Variants in HOXD10 observed in about 807,000 individuals in gnomAD.
The protein encoded by HOXD10 is homeobox protein Hox-D10.
HOXD10 carries 15 observed loss-of-function variants against 27.0 expected under a neutral mutation model. That is an observed-to-expected ratio of 0.56 (90% confidence interval 0.37 to 0.85). HOXD10 has a LOEUF of 0.85. HOXD10 is among the 40% of genes least tolerant of loss of function. The pLI is 0.00. For synonymous variants in HOXD10, 178 were observed against 160.9 expected, an observed-to-expected ratio of 1.11 and a Z score of -0.80; for missense variants, 440 against 430.4, an observed-to-expected ratio of 1.02 and a Z score of -0.20.
chr2:176,117,794 C>G (rs761504528), intron 1 of HOXD10, among the ~76,000 whole-genome samples: 1 of 151,856 alleles, frequency 6.6e-6, no homozygotes, highest in Admixed American at 6.6e-5. Context: ...TGATGGCGCC[C>G]GGGCAGAGGA....
chr2:176,119,435 G>GTGTATATATATATA lies in HOXD10; in HGVS notation c.*205_*206insGTATATATATATAT, dbSNP rs1553518836. On this transcript the variant is annotated 3_prime_UTR_variant, in exon 2 of 2. Transcript: ENST00000249501. ...TGCAAGTGATCTGTAATCCCTATGAGTATATATATATATATATATATATAT... is the reference window on the plus strand; with the variant it reads ...TGCAAGTGATCTGTAATCCCTATGAGTGTATATATATATATATATATATATATATATATATATAT... 13 of 177,788 alleles carry GTGTATATATATATA rather than the reference G, an allele frequency of 7.3e-5. No homozygotes were observed. Among genetic ancestry groups the GTGTATATATATATA allele is most frequent in the African/African-American group, 3.7e-4 (8 of 21,524 alleles). 11.0% of individuals were successfully genotyped at this position (177,788 alleles called of 1,614,324 possible).
At chr2:176,118,823 G>C in intron 1 of HOXD10, 131 bp from the exon 2 acceptor site, 1 of 778,484 alleles carries the variant, frequency 1.3e-6, no homozygotes, top group East Asian at 2.7e-5. Context: ...ACGGCCAAGG[G>C]TACATTTGAA....
At position 176,119,252 on chromosome 2, in the gene HOXD10, C is replaced by T. The variant is rs570165195; in HGVS notation, c.*21C>T. The T allele has an allele frequency of 4.3e-6, 7 of 1,610,930 alleles. No homozygotes were observed. Among genetic ancestry groups the T allele is most frequent in the Admixed American group, 1.7e-5 (1 of 59,842 alleles). On this transcript the variant is annotated 3_prime_UTR_variant, in exon 2 of 2. Coordinates refer to ENST00000249501, the MANE Select transcript of HOXD10 (RefSeq NM_002148.4). The stretch of plus-strand genomic sequence containing the variant: ...CTTAGGTCTGAGGCCGGTCTGAGGC[C>T]GGTCAGAGGCCAGGATTGGAGAGGG...
Position 176,117,394 on chromosome 2 carries a change from G to A in HOXD10, c.561G>A (p.Lys187=), listed in dbSNP as rs143870330. The change falls in exon 1 of 2, where the codon AAG becomes AAA. Residue 187 remains lysine, a synonymous_variant. Transcript: ENST00000249501. ...AGCTCAACCCTCGTGGCGCGGCCAA[G>A]CCGCAGCTCTCCGCTGCCCAGCTGC... The part of the protein sequence containing the change: ...MLQLNPRGAA[K]PQLSAAQLQM... 3.7e-6 allele frequency: 6 copies of A among 1,613,320 alleles called. No homozygotes were observed. The highest frequency in any genetic ancestry group is 5.1e-6 in the Non-Finnish European group (6 of 1,180,036).
chr2:176,119,774 C>G lies in HOXD10; in HGVS notation c.*543C>G, dbSNP rs1219052728. Reference sequence around the variant, plus strand: ...AAGCACATTACAATGTATCTTTTCACAAATGAATTTAGCAGTTGTCCTTGG... The same window carrying G: ...AAGCACATTACAATGTATCTTTTCAGAAATGAATTTAGCAGTTGTCCTTGG... On this transcript the variant is annotated 3_prime_UTR_variant, in exon 2 of 2. Coordinates refer to ENST00000249501, the MANE Select transcript of HOXD10 (RefSeq NM_002148.4). 1 of 152,502 alleles carries G rather than the reference C, an allele frequency of 6.6e-6. No homozygotes were observed. The highest frequency in any genetic ancestry group is 1.5e-5 in the Non-Finnish European group (1 of 68,026). The allele number at this position is 152,502 out of a possible 1,614,324, so 9.4% of individuals were successfully genotyped here. A position where few individuals can be genotyped will look rare whatever the true frequency, so the allele number is the denominator to read the frequency against.
chr2:176,118,880 A>AC lies in HOXD10; in HGVS notation c.746-73dup, dbSNP rs1435356093. The AC allele has an allele frequency of 3.9e-5, 29 of 747,076 alleles. No homozygotes were observed. In the East Asian group the frequency reaches 5.1e-4, roughly 13 times the overall value. 46.3% of individuals were successfully genotyped at this position (747,076 alleles called of 1,614,324 possible). ...AACGAAAACCAAAACCAAAACCAAA[A>AC]CAAAAACAAAAACAAAAACAAACAA... On this transcript the variant is annotated intron_variant, in intron 1 of 1. Coordinates refer to ENST00000249501, the MANE Select transcript of HOXD10 (RefSeq NM_002148.4).
Position 176,117,135 on chromosome 2 carries a change from G to C in HOXD10, c.302G>C (p.Cys101Ser), listed in dbSNP as rs139302218. 2 of 1,614,164 alleles carry C rather than the reference G, an allele frequency of 1.2e-6. No individual in the cohort carries two copies. The highest frequency in any genetic ancestry group is 2.2e-5 in the East Asian group (1 of 44,888). ...CCTGTTACACAGCAAGTCCCCACTT[G>C]CTCCTTCACCACCAACATTAAGGAA... The part of the protein sequence containing the change: ...EQPVTQQVPT[C>S]SFTTNIKEES... Residue 101 changes from cysteine (C) to serine (S), a missense_variant, in exon 1 of 2, where the codon TGC becomes TCC. Coordinates refer to ENST00000249501, the MANE Select transcript of HOXD10 (RefSeq NM_002148.4).
chr2:176,117,652 G>T, intron 1 of HOXD10, 74 bp downstream of exon 1: 7 of 1,550,724 alleles, frequency 4.5e-6, no homozygotes, highest in East Asian at 2.3e-5. Context: ...GTGCCGGGGT[G>T]CCCAGCGCCG....
rs1689839065 is a variant in HOXD10, at chr2:176,119,888, T to A, written c.*657T>A. On this transcript the variant is annotated 3_prime_UTR_variant, in exon 2 of 2. Coordinates refer to ENST00000249501, the MANE Select transcript of HOXD10 (RefSeq NM_002148.4). ...TAGAAGTACAACAGCAACCTGTCCT[T>A]TCTGTGCATGTTCTGGTCGCATGTA... The A allele has an allele frequency of 6.6e-6, 1 of 152,630 alleles. No homozygotes were observed. The highest frequency in any genetic ancestry group is 1.5e-5 in the Non-Finnish European group (1 of 68,034). The allele number at this position is 152,630 out of a possible 1,614,324, so 9.5% of individuals were successfully genotyped here.
intron 1 of HOXD10, 26 bp from the exon 2 acceptor site, chr2:176,118,928 T>G: frequency 6.3e-7 from 1 of 1,596,952 alleles, no homozygotes; most frequent in Non-Finnish European, 8.6e-7. Context: ...TTGATTTTTT[T>G]CTTCTTCTCC....
chr2:176,117,099 G>C lies in HOXD10; in HGVS notation c.266G>C (p.Arg89Pro), dbSNP rs374700658. 4 of 1,614,140 alleles carry C rather than the reference G, an allele frequency of 2.5e-6. No homozygotes were observed. In the South Asian group the frequency reaches 4.4e-5, roughly 18 times the overall value. Reference sequence around the variant, plus strand: ...TGGACAGATCCGAACAGATCTTGTCGAATAGAGCAACCTGTTACACAGCAA... The same window carrying C: ...TGGACAGATCCGAACAGATCTTGTCCAATAGAGCAACCTGTTACACAGCAA... ...DSWTDPNRSC[R>P]IEQPVTQQVP... The change falls in exon 1 of 2, where the codon CGA (arginine) becomes CCA (proline). Residue 89 changes from arginine to proline, a missense_variant. Physicochemically the swap from Arg to Pro is moderately radical, Grantham distance 103 (BLOSUM62 -2). Coordinates refer to ENST00000249501, the MANE Select transcript of HOXD10 (RefSeq NM_002148.4).
chr2:176,118,858 G>T, intron 1 of HOXD10, 96 bp from the exon 2 acceptor site: 1 of 1,216,962 alleles, frequency 8.2e-7, no homozygotes, highest in Non-Finnish European at 1.2e-6. Flanking sequence ...AAACAAAAAC[G>T]AAAACCAAAA....
Position 176,116,924 on chromosome 2 carries a change from A to T in HOXD10, c.91A>T (p.Ser31Cys). Residue 31 changes from serine to cysteine, a missense_variant, in exon 1 of 2, where the codon AGC becomes TGC. Physicochemically the swap from Ser to Cys is moderately radical, Grantham distance 112. Transcript: ENST00000249501. ...CAGGAGTGACAGTTTTTATTCCAGC[A>T]GCGCCAGCATGTACATGCCACCACC... ...ACRSDSFYSS[S>C]ASMYMPPPSA... 6.2e-7 allele frequency: 1 copy of T among 1,614,126 alleles called. No individual in the cohort carries two copies. The highest frequency in any genetic ancestry group is 1.6e-4 in the Middle Eastern group (1 of 6,062).
In HOXD10 at chr2:176,119,361, T is replaced by C; in HGVS notation, c.*130T>C. On this transcript the variant is annotated 3_prime_UTR_variant, in exon 2 of 2. Transcript: ENST00000249501. ...CCGCTCTTTGTTTGTTGTTTTGTTG[T>C]ATTTTGTTTTCCTGCTAGAATGTGA... 1 of 1,036,174 alleles carries C rather than the reference T, an allele frequency of 9.7e-7. No individual in the cohort carries two copies. The highest frequency in any genetic ancestry group is 1.4e-5 in the South Asian group (1 of 72,276). 64.2% of individuals were successfully genotyped at this position (1,036,174 alleles called of 1,614,324 possible). A position where few individuals can be genotyped will look rare whatever the true frequency, so the allele number is the denominator to read the frequency against.
chr2:176,118,182 C>A (rs377327103), intron 1 of HOXD10, among the ~76,000 whole-genome samples: 1 of 152,222 alleles, frequency 6.6e-6, no homozygotes, highest in Non-Finnish European at 1.5e-5. Flanking sequence ...AGAGTGGAAC[C>A]CGCATTGCCC....
chr2:176,118,165 G>A (rs1484029370), intron 1 of HOXD10, among the ~76,000 whole-genome samples: 2 of 152,218 alleles, frequency 1.3e-5, no homozygotes, highest in Non-Finnish European at 2.9e-5. Context: ...GGCAAAGGCG[G>A]AGGGGGAGAG....
chr2:176,118,928 T>C, intron 1 of HOXD10, 26 bp from the exon 2 acceptor site: 2 of 1,596,952 alleles, frequency 1.3e-6, no homozygotes, highest in Admixed American at 3.4e-5. Flanking sequence ...TTGATTTTTT[T>C]CTTCTTCTCC....
chr2:176,119,653 T>A lies in HOXD10; in HGVS notation c.*422T>A, dbSNP rs1689835201. ...TGTGTGTGGTTAGTCCATGAACTCATGGCATTTTGAATACATCCAGTACTT... is the reference window on the plus strand; with the variant it reads ...TGTGTGTGGTTAGTCCATGAACTCAAGGCATTTTGAATACATCCAGTACTT... On this transcript the variant is annotated 3_prime_UTR_variant, in exon 2 of 2. Transcript: ENST00000249501. The A allele has an allele frequency of 6.6e-6, 1 of 152,032 alleles. No individual in the cohort carries two copies. Among genetic ancestry groups the A allele is most frequent in the African/African-American group, 2.4e-5 (1 of 41,172 alleles). 9.4% of individuals were successfully genotyped at this position (152,032 alleles called of 1,614,324 possible). A position where few individuals can be genotyped will look rare whatever the true frequency, so the allele number is the denominator to read the frequency against.
rs1395990189 is a variant in HOXD10 at position 176,117,565 on chromosome 2, G to A, written c.732G>A (p.Glu244=). 1 of 1,613,030 alleles carries A rather than the reference G, an allele frequency of 6.2e-7. No individual in the cohort carries two copies. The highest frequency in any genetic ancestry group is 1.3e-5 in the African/African-American group (1 of 74,960). The change falls in exon 1 of 2, where the codon GAG becomes GAA. Residue 244 remains glutamate, a synonymous_variant. Transcript: ENST00000249501. ...CCGTGTCCAGTCCCGAAGTGCAGGA[G>A]AAGGAAAGCAAAGGTCGGTATGAGC... ...EVSVSSPEVQ[E]KESKEEIKSD...
Sources: gnomAD v4.1 joint callset for allele counts (sites outside exome capture counted in the v4.1 genomes callset) on GRCh38, gnomAD v4.1.1 for gene constraint, MANE v1.5 for transcripts, NCBI Gene and HGNC (gene_info 2026-07-23, HGNC 2026-07-21) for gene names.